The following GNAT2 variants were observed in gnomAD, a reference collection of about 807,000 sequenced individuals.
GNAT2 encodes the protein guanine nucleotide-binding protein G(t) subunit alpha-2.
GNAT2 carries 32 observed loss-of-function variants against 40.9 expected under a neutral mutation model. The observed-to-expected ratio is 0.78, with a 90% CI of 0.59 to 1.05. GNAT2 has a LOEUF of 1.05. Among genes scored for constraint, GNAT2 ranks in the 50% least tolerant of loss-of-function variants. The pLI is 0.00. For synonymous variants in GNAT2, 141 were observed against 157.2 expected (o/e 0.90, Z 0.77); for missense variants, 355 against 431.5 (o/e 0.82, Z 1.57).
chr1:109,603,897 A>AT, intron 8 of GNAT2, 54 bp downstream of exon 8: 1 of 1,309,924 alleles, frequency 7.6e-7, no homozygotes. Flanking sequence ...AAATGAGACA[A>AT]TTGCCAGTCT....
intron 7 of GNAT2, chr1:109,605,687 G>T: frequency 2.4e-6 from 1 of 409,224 alleles, no homozygotes; most frequent in Admixed American, 3.5e-5. Flanking sequence ...TTATCTCTTT[G>T]CACTCAATTC....
In GNAT2 at chr1:109,609,841, A is replaced by G; in HGVS notation, c.303+199T>C. The G allele has an allele frequency of 4.8e-6, 3 of 624,374 alleles. No individual in the cohort carries two copies. In the South Asian group the frequency reaches 5.2e-5, roughly 11 times the overall value. 38.7% of individuals were successfully genotyped at this position (624,374 alleles called of 1,614,324 possible). A position where few individuals can be genotyped will look rare whatever the true frequency, so the allele number is the denominator to read the frequency against. On this transcript the variant is annotated intron_variant, in intron 4 of 8. Coordinates refer to ENST00000679935, the MANE Select transcript of GNAT2 (RefSeq NM_001377295.2). Reference sequence around the variant, plus strand: ...TAATTAGAAAGGTACCGTCTACCTTAAGGTCTTACTGCGTAGATGGGTAAA... The same window carrying G: ...TAATTAGAAAGGTACCGTCTACCTTGAGGTCTTACTGCGTAGATGGGTAAA...
chr1:109,603,575 G>T, intron 8 of GNAT2, 31 bp from the exon 9 acceptor site: 1 of 1,391,398 alleles, frequency 7.2e-7, no homozygotes, highest in Non-Finnish European at 1.0e-6. Flanking sequence ...TGAAAAAGTA[G>T]AATAAATGAA....
chr1:109,606,790 A>T (rs930809818), intron 5 of GNAT2: 12 of 322,708 alleles, frequency 3.7e-5, no homozygotes, highest in African/African-American at 2.6e-4. Context: ...GAGACTTTAA[A>T]GACATGAACC....
chr1:109,606,123 C>A, intron 6 of GNAT2, 24 bp from the exon 7 acceptor site: 1 of 1,613,814 alleles, frequency 6.2e-7, no homozygotes, highest in Non-Finnish European at 8.5e-7. Context: ...CAGCTATTTT[C>A]ATAGGTATGC....
In GNAT2 at chr1:109,603,327, G is replaced by A. The variant is rs775190991; in HGVS notation, c.*27C>T. 5 of 1,326,332 alleles carry A rather than the reference G, an allele frequency of 3.8e-6. No individual in the cohort carries two copies. In the Admixed American group the frequency reaches 6.7e-5, roughly 18 times the overall value. 82.2% of individuals were successfully genotyped at this position (1,326,332 alleles called of 1,614,324 possible). ...TACCCAGATTCCAAGCCTGTTTATA[G>A]AACTTATACCTGAGGAATGGTGAGG... On this transcript the variant is annotated 3_prime_UTR_variant, in exon 9 of 9. Coordinates refer to ENST00000679935, the MANE Select transcript of GNAT2 (RefSeq NM_001377295.2).
Position 109,606,089 on chromosome 1 carries a change from C to T in GNAT2, c.601G>A (p.Val201Met), listed in dbSNP as rs1363591492. ...VKDLNFRMFD[V>M]GGQRSERKKW... ...TTTCTCTCGGATCTCTGCCCTCCCA[C>T]ATCAAACATCCTGAGGGAAGAAGCA... is the stretch of plus-strand genomic sequence containing the variant. Residue 201 changes from valine (V) to methionine (M), a missense_variant, in exon 7 of 9, where the codon GTG (valine) becomes ATG (methionine). Physicochemically the swap from Val to Met is conservative, Grantham distance 21 (BLOSUM62 1). Transcript: ENST00000679935. The T allele has an allele frequency of 6.2e-7, 1 of 1,614,010 alleles. No homozygotes were observed. Among genetic ancestry groups the T allele is most frequent in the Non-Finnish European group, 8.5e-7 (1 of 1,179,974 alleles).
chr1:109,609,126 G>C, intron 4 of GNAT2: 1 of 373,982 alleles, frequency 2.7e-6, no homozygotes, highest in Non-Finnish European at 5.1e-6. Flanking sequence ...AAAATGTAAA[G>C]GCCAGATTGA....
At chr1:109,618,790 GTTC>G (rs1004213005) in intron 1 of GNAT2, among the ~76,000 whole-genome samples, 3 of 152,116 alleles carry the variant, frequency 2.0e-5, no homozygotes, top group African/African-American at 7.2e-5. Context: ...TTTTAAGTTT[GTTC>G]AGGGAACAGT....
rs772538094 is a variant in GNAT2, at chr1:109,608,621, T to A, written c.461+10A>T. On this transcript the variant is annotated intron_variant, in intron 5 of 8. Transcript: ENST00000679935. ...AAGCATCAACCCACCCTCTCACCAG[T>A]CAGTCTTACTAAGATGCGGAGTCAT... is the stretch of plus-strand genomic sequence containing the variant. The A allele has an allele frequency of 8.2e-5, 133 of 1,612,450 alleles. No homozygotes were observed. The highest frequency in any genetic ancestry group is 1.1e-4 in the Non-Finnish European group (131 of 1,178,600).
At position 109,603,899 on chromosome 1, in the gene GNAT2, TGCCAGTCTCTACTAAAAG is replaced by T. The variant is rs1003766977; in HGVS notation, c.874+34_874+51del. The stretch of plus-strand genomic sequence containing the variant: ...ATCTTGGCCTAAAAAATGAGACAAT[TGCCAGTCTCTACTAAAAG>T]GCATTATTATTATTTCCAGCCCCTG... On this transcript the variant is annotated intron_variant, in intron 8 of 8. Transcript: ENST00000679935. 9.9e-5 allele frequency: 130 copies of T among 1,316,146 alleles called. No individual in the cohort carries two copies. In the African/African-American group the frequency reaches 1.3e-3, roughly 14 times the overall value. The allele number at this position is 1,316,146 out of a possible 1,614,324, so 81.5% of individuals were successfully genotyped here. A position where few individuals can be genotyped will look rare whatever the true frequency, so the allele number is the denominator to read the frequency against.
At chr1:109,607,077 G>C (rs1649620581) in intron 5 of GNAT2, 1 of 152,178 alleles carries the variant, frequency 6.6e-6, no homozygotes, top group Admixed American at 6.6e-5. Flanking sequence ...GTTGATAACT[G>C]TTGAAGGTAA....
chr1:109,606,177 G>A, intron 6 of GNAT2, 78 bp from the exon 7 acceptor site: 1 of 1,583,546 alleles, frequency 6.3e-7, no homozygotes, highest in Non-Finnish European at 8.7e-7. Context: ...CCCGTGAAGT[G>A]GGAGAGGAAA....
chr1:109,609,925 A>G, intron 4 of GNAT2, 115 bp downstream of exon 4: 1 of 1,055,160 alleles, frequency 9.5e-7, no homozygotes, highest in Non-Finnish European at 1.5e-6. Context: ...AGCAGGTGGG[A>G]TTTTAGTTAC....
intron 5 of GNAT2, chr1:109,606,718 G>C (rs1649608662): frequency 2.5e-6 from 1 of 393,764 alleles, no homozygotes; most frequent in Non-Finnish European, 4.8e-6. Flanking sequence ...GCAAGCTTTT[G>C]TAGATTTTTG....
intron 1 of GNAT2, chr1:109,616,943 T>G (rs1303552946): frequency 6.6e-6 from 1 of 152,076 alleles, no homozygotes; most frequent in Non-Finnish European, 1.5e-5. Context: ...AAAGGGAAAT[T>G]GGAGCCAGCC....
intron 1 of GNAT2, chr1:109,615,737 T>C: frequency 6.5e-6 from 1 of 152,868 alleles, no homozygotes; most frequent in Non-Finnish European, 1.5e-5. Context: ...TGAGCCGAGA[T>C]TGCGCCACTG....
At position 109,612,902 on chromosome 1, in the gene GNAT2, T is replaced by C. The variant is rs2304355; in HGVS notation, c.-32A>G. 0.15 allele frequency: 207,412 copies of C among 1,341,660 alleles called. 17,231 individuals carry two copies. The highest frequency in any genetic ancestry group is 0.19 in the South Asian group (16,679 of 85,682). 83.1% of individuals were successfully genotyped at this position (1,341,660 alleles called of 1,614,324 possible). Reference sequence around the variant, plus strand: ...CGTCTTGTCAGCTTTTTCAGGCCCCTAATCCTCTCTCGTAAGGTTTCCTGT... The same window carrying C: ...CGTCTTGTCAGCTTTTTCAGGCCCCCAATCCTCTCTCGTAAGGTTTCCTGT... On this transcript the variant is annotated 5_prime_UTR_variant, in exon 2 of 9. Coordinates refer to ENST00000679935, the MANE Select transcript of GNAT2 (RefSeq NM_001377295.2).
Position 109,610,036 on chromosome 1 carries a change from A to G in GNAT2, c.303+4T>C, listed in dbSNP as rs1415331534. 6.2e-7 allele frequency: 1 copy of G among 1,613,976 alleles called. No homozygotes were observed. Among genetic ancestry groups the G allele is most frequent in the South Asian group, 1.1e-5 (1 of 91,074 alleles). On this transcript the variant is annotated splice_donor_region_variant and intron_variant, in intron 4 of 8. Transcript: ENST00000679935. ...CCCTTAACCACATAATAGTAATCAC[A>G]TACCGCACAGCTTGGTTCAGCATAA...
Sources: gnomAD v4.1 joint callset for allele counts (sites outside exome capture counted in the v4.1 genomes callset) on GRCh38, gnomAD v4.1.1 for gene constraint, MANE v1.5 for transcripts, NCBI Gene and HGNC (gene_info 2026-07-23, HGNC 2026-07-21) for gene names.